DLGAP1: variants seen among roughly 807,000 people sequenced by gnomAD.
DLGAP1 encodes the protein DLG associated protein 1, also known as disks large-associated protein 1.
DLGAP1 carries 11 observed loss-of-function variants against 90.8 expected under a neutral mutation model. That is an observed-to-expected ratio of 0.12 (90% CI 0.08 to 0.20). The LOEUF (loss-of-function observed/expected upper bound fraction) is 0.20. Among genes scored for constraint, DLGAP1 ranks in the 10% least tolerant of loss-of-function variants. The probability of loss-of-function intolerance (pLI) is 1.00; values close to 1 mark genes in which losing one functional copy is unlikely to be tolerated. For synonymous variants in DLGAP1, 558 were observed against 540.7 expected, an observed-to-expected ratio of 1.03 and a Z score of -0.44; for missense variants, 1,050 against 1,333.8, an observed-to-expected ratio of 0.79 and a Z score of 3.31.
intron 7 of DLGAP1, among the ~76,000 whole-genome samples, chr18:3,657,630 T>C (rs1338560769): frequency 6.9e-6 from 1 of 144,906 alleles, no homozygotes; most frequent in Non-Finnish European, 1.5e-5. Context: ...TGAGACGGAG[T>C]CTTGCTCTGT....
intron 1 of DLGAP1, among the ~76,000 whole-genome samples, chr18:4,326,635 T>A (rs576722921): frequency 1.3e-5 from 2 of 152,226 alleles, no homozygotes; most frequent in Admixed American, 1.3e-4. Context: ...ATGTGGTACA[T>A]ACACACCATG....
intron 7 of DLGAP1, among the ~76,000 whole-genome samples, chr18:3,692,728 G>T (rs1357952571): frequency 1.3e-5 from 2 of 152,146 alleles, no homozygotes; most frequent in African/African-American, 4.8e-5. Flanking sequence ...TTGGGAGAGG[G>T]ATATTATCTT....
At chr18:3,533,467 G>A (rs938720334) in intron 10 of DLGAP1, among the ~76,000 whole-genome samples, 5 of 152,220 alleles carry the variant, frequency 3.3e-5, no homozygotes, top group South Asian at 2.1e-4. Flanking sequence ...CGGCCTATAC[G>A]TTATAAGCCT....
At chr18:3,903,206 G>A (rs2071822433) in intron 3 of DLGAP1, among the ~76,000 whole-genome samples, 1 of 152,040 alleles carries the variant, frequency 6.6e-6, no homozygotes, top group African/African-American at 2.4e-5. Context: ...AAGGAAATAT[G>A]GAAAAATCAA....
chr18:4,261,727 G>T (rs2079006754), intron 1 of DLGAP1, among the ~76,000 whole-genome samples: 1 of 152,086 alleles, frequency 6.6e-6, no homozygotes, highest in South Asian at 2.1e-4. Context: ...ATCTGATAGT[G>T]GCTGTGAAAA....
intron 7 of DLGAP1, among the ~76,000 whole-genome samples, chr18:3,725,077 G>A (rs1229826621): frequency 6.6e-6 from 1 of 152,062 alleles, no homozygotes; most frequent in Non-Finnish European, 1.5e-5. Context: ...TTTACCATCT[G>A]CCTCTCCCCA....
At chr18:4,063,917 T>G (rs1414337028) in intron 2 of DLGAP1, among the ~76,000 whole-genome samples, 1 of 152,048 alleles carries the variant, frequency 6.6e-6, no homozygotes, top group East Asian at 1.9e-4. Context: ...TATTAATCAA[T>G]CCACCTCATG....
At chr18:4,034,037 C>CCT (rs1429797249) in intron 2 of DLGAP1, among the ~76,000 whole-genome samples, 2 of 111,208 alleles carry the variant, frequency 1.8e-5, no homozygotes, top group African/African-American at 6.2e-5. Context: ...GCGCCCGGCC[C>CCT]TTTTTTTTTT....
At position 4,398,578 on chromosome 18, in the gene DLGAP1, G is replaced by C. The variant is rs1025199524; in HGVS notation, c.-267+56428C>G. Among the ~76,000 whole-genome samples, 36 of 152,170 alleles carry C rather than the reference G, an allele frequency of 2.4e-4. 1 individual carries two copies. Among genetic ancestry groups the C allele is most frequent in the African/African-American group, 8.7e-4 (36 of 41,432 alleles). The stretch of plus-strand genomic sequence containing the variant: ...AGAAAATGTTTTGAAACTGATGGAA[G>C]ATGATTGCGGGGGATGGACGTTGAA... On this transcript the variant is annotated intron_variant, in intron 1 of 12. Coordinates refer to ENST00000315677, the MANE Select transcript of DLGAP1 (RefSeq NM_004746.4).
intron 5 of DLGAP1, among the ~76,000 whole-genome samples, chr18:3,777,844 G>A (rs1051505525): frequency 6.6e-6 from 1 of 152,184 alleles, no homozygotes; most frequent in African/African-American, 2.4e-5. Flanking sequence ...GATATTAAGA[G>A]AAAAGGCTGA....
intron 7 of DLGAP1, among the ~76,000 whole-genome samples, chr18:3,628,471 A>G (rs2146141221): frequency 6.6e-6 from 1 of 152,282 alleles, no homozygotes; most frequent in African/African-American, 2.4e-5. Flanking sequence ...TACAGGCATG[A>G]GCCAGTGTGC....
At chr18:3,924,833 A>AC (rs768338951) in intron 3 of DLGAP1, among the ~76,000 whole-genome samples, 3 of 152,200 alleles carry the variant, frequency 2.0e-5, no homozygotes, top group Non-Finnish European at 2.9e-5. Context: ...TGTTTTGCCC[A>AC]CCTTTTGCTT....
chr18:3,550,734 CTTTTTTTTTTTT>C (rs1165404588), intron 9 of DLGAP1, among the ~76,000 whole-genome samples: 4 of 85,238 alleles, frequency 4.7e-5, no homozygotes, highest in East Asian at 4.1e-4. Context: ...GAACCAGACC[CTTTTTTTTTTTT>C]TTTTTTTTTT....
At chr18:3,869,655 C>T (rs12953465) in intron 4 of DLGAP1, among the ~76,000 whole-genome samples, 20,481 of 152,252 alleles carry the variant, frequency 0.13, 1,597 homozygotes, top group African/African-American at 0.18. Flanking sequence ...ATTTTACACC[C>T]ACACTGTGAT....
At position 3,797,263 on chromosome 18, in the gene DLGAP1, T is replaced by G. The variant is rs1439000802; in HGVS notation, c.1172+16796A>C. On this transcript the variant is annotated intron_variant, in intron 5 of 12. Transcript: ENST00000315677. ...ATTGCTTTAACCCGGGAGGCAGAGG[T>G]TGCAGTGAGCCGGGATCGCGCCACT... is the stretch of plus-strand genomic sequence containing the variant. 3.3e-5 allele frequency among the ~76,000 whole-genome samples: 5 copies of G among 151,064 alleles called. No homozygotes were observed. The South Asian group carries it at 8.4e-4, about 25-fold the overall frequency.
Position 4,362,136 on chromosome 18 carries a change from A to G in DLGAP1, c.-267+92870T>C, listed in dbSNP as rs569888554. ...GGAACACTTGTACACTGTTGGTGGG[A>G]ATGTAAAATGTTACAGCCACTATAA... On this transcript the variant is annotated intron_variant, in intron 1 of 12. Coordinates refer to ENST00000315677, the MANE Select transcript of DLGAP1 (RefSeq NM_004746.4). 2.0e-4 allele frequency among the ~76,000 whole-genome samples: 30 copies of G among 152,322 alleles called. No homozygotes were observed. In the South Asian group the frequency reaches 6.0e-3, roughly 30 times the overall value.
intron 2 of DLGAP1, among the ~76,000 whole-genome samples, chr18:4,056,941 T>A (rs2075225884): frequency 6.6e-6 from 1 of 151,514 alleles, no homozygotes; most frequent in Admixed American, 6.6e-5. Flanking sequence ...GGTAGCAGAC[T>A]GGAGAAGATA....
At chr18:3,731,845 C>T (rs962418090) in intron 6 of DLGAP1, among the ~76,000 whole-genome samples, 3 of 152,122 alleles carry the variant, frequency 2.0e-5, no homozygotes, top group African/African-American at 7.2e-5. Context: ...GGAACCACTA[C>T]CCAGATCAAG....
chr18:4,121,712 C>G (rs2076156428), intron 2 of DLGAP1, among the ~76,000 whole-genome samples: 1 of 152,122 alleles, frequency 6.6e-6, no homozygotes, highest in Non-Finnish European at 1.5e-5. Context: ...AATCTCTCTC[C>G]CCTACTGCAA....
Sources: gnomAD v4.1 joint callset for allele counts (sites outside exome capture counted in the v4.1 genomes callset) on GRCh38, gnomAD v4.1.1 for gene constraint, MANE v1.5 for transcripts, NCBI Gene and HGNC (gene_info 2026-07-23, HGNC 2026-07-21) for gene names.